FADS2: variants seen among roughly 807,000 people sequenced by gnomAD.
FADS2 encodes acyl-CoA 6-desaturase.
Under a neutral mutation model 61.2 loss-of-function variants are expected in FADS2, and 18 were observed. That is an observed-to-expected ratio of 0.29 (90% confidence interval 0.20 to 0.44). FADS2 has a LOEUF of 0.44. Ranked by LOEUF, FADS2 falls within the 20% of genes least tolerant of loss-of-function variation. FADS2 has a pLI of 1.00. For synonymous variants in FADS2, 203 were observed against 223.9 expected (o/e 0.91, Z 0.83); for missense variants, 322 against 572.7 (o/e 0.56, Z 4.47).
chr11:61,824,439 GGAGGGAGGGAGGGAGGGA>G (rs2067058225), upstream of FADS2, among the ~76,000 whole-genome samples: 1 of 5,094 alleles, frequency 2.0e-4, no homozygotes, highest in African/African-American at 6.3e-4. Flanking sequence ...AGAGAGGGAG[GGAGGGAGGGAGGGAGGGA>G]GGGAGAGAGA....
At position 61,816,412 on chromosome 11, in the gene FADS2, A is replaced by G; in HGVS notation, c.127A>G (p.Ile43Val). 6.3e-7 allele frequency: 1 copy of G among 1,598,520 alleles called. No homozygotes were observed. The highest frequency in any genetic ancestry group is 1.1e-5 in the South Asian group (1 of 91,074). ...TCATCCCGCATCCGCAGGACACCCA[A>G]TCACCGGGCAACAGGTATGATCAGG... is the stretch of plus-strand genomic sequence containing the variant. Residue 43 changes from isoleucine to valine, a missense_variant, in exon 1 of 12, where the codon ATC (isoleucine) becomes GTC (valine). Coordinates refer to the FADS2 transcript ENST00000257261. This position sits in a 1 kb window ranked among gnomAD's most constrained non-coding sequence, Gnocchi z 7.0.
intron 1 of FADS2, among the ~76,000 whole-genome samples, chr11:61,834,609 T>A (rs1178182190): frequency 6.6e-6 from 1 of 152,154 alleles, no homozygotes; most frequent in Non-Finnish European, 1.5e-5. Context: ...GTTCGGGTGT[T>A]GGGGAGGCAG....
In FADS2 at chr11:61,865,596, C is replaced by T. The variant is rs775273152; in HGVS notation, c.1284-42C>T. The T allele has an allele frequency of 2.9e-5, 46 of 1,594,814 alleles. No individual in the cohort carries two copies. Among genetic ancestry groups the T allele is most frequent in the Non-Finnish European group, 3.9e-5 (45 of 1,164,610 alleles). On this transcript the variant is annotated intron_variant, in intron 11 of 11. Coordinates refer to ENST00000278840, the MANE Select transcript of FADS2 (RefSeq NM_004265.4). The surrounding 1 kb of genome is among the most constrained non-coding windows in gnomAD (Gnocchi z 4.1). The stretch of plus-strand genomic sequence containing the variant: ...AGCCCTTGCACTCCCTGGGGCCACT[C>T]CCGTCCTGGTCCCTGACCCTGGTCC...
At chr11:61,857,670 C>G (rs1028490618) in intron 7 of FADS2, 140 bp downstream of exon 7, 53 of 692,150 alleles carry the variant, frequency 7.7e-5, no homozygotes, top group Admixed American at 1.1e-4. Flanking sequence ...GTAGCTGCCT[C>G]TCAGGAAAGG....
intron 1 of FADS2, among the ~76,000 whole-genome samples, chr11:61,831,500 T>C (rs1046115552): frequency 1.3e-5 from 2 of 152,142 alleles, no homozygotes; most frequent in Non-Finnish European, 2.9e-5. Context: ...GGGGCCTCAA[T>C]AGGGCATTTT....
chr11:61,836,259 G>A (rs1447651898), intron 1 of FADS2, among the ~76,000 whole-genome samples: 1 of 152,114 alleles, frequency 6.6e-6, no homozygotes, highest in Non-Finnish European at 1.5e-5. Context: ...CGCTACACCT[G>A]GCTAATTTTT....
chr11:61,847,482 G>A (rs1297229024), intron 4 of FADS2: 2 of 152,416 alleles, frequency 1.3e-5, no homozygotes, highest in African/African-American at 4.8e-5. Flanking sequence ...CATGTGATAT[G>A]TGGTCTTTTG....
At chr11:61,851,822 G>A (rs916925) in intron 5 of FADS2, among the ~76,000 whole-genome samples, 12,020 of 152,212 alleles carry the variant, frequency 0.079, 732 homozygotes, top group African/African-American at 0.15. Flanking sequence ...CCTTTTCCTC[G>A]TTTTCTGCAT....
Position 61,861,477 on chromosome 11 carries a change from A to G in FADS2, c.883-1495A>G, listed in dbSNP as rs144054941. 6.5e-3 allele frequency among the ~76,000 whole-genome samples: 992 copies of G among 151,772 alleles called. 23 individuals carry two copies. In the East Asian group the frequency reaches 0.067, roughly 10 times the overall value. On this transcript the variant is annotated intron_variant, in intron 7 of 11. Transcript: ENST00000278840. Reference sequence around the variant, plus strand: ...AGCCTGGGCAATAAAGCAAGATCCCATCTCCAAAAAAAAATAATCCGTAAC... The same window carrying G: ...AGCCTGGGCAATAAAGCAAGATCCCGTCTCCAAAAAAAAATAATCCGTAAC...
intron 1 of FADS2, among the ~76,000 whole-genome samples, chr11:61,833,501 C>T (rs762393308): frequency 1.3e-5 from 2 of 152,232 alleles, no homozygotes; most frequent in Admixed American, 6.5e-5. Flanking sequence ...GTATGAACAG[C>T]GGGCAATGCT....
chr11:61,835,033 C>T (rs2067160533), intron 1 of FADS2, among the ~76,000 whole-genome samples: 1 of 31,122 alleles, frequency 3.2e-5, no homozygotes, highest in African/African-American at 5.8e-5. Flanking sequence ...TCCTCCCTGC[C>T]TCCCCAGGGA....
At chr11:61,855,679 G>C (rs1487520643) in intron 5 of FADS2, 1 of 152,314 alleles carries the variant, frequency 6.6e-6, no homozygotes, top group Non-Finnish European at 1.5e-5. Flanking sequence ...CTTGGGGACA[G>C]GGTGGACCTG....
chr11:61,835,789 A>G (rs2067169121), intron 1 of FADS2, among the ~76,000 whole-genome samples: 1 of 152,178 alleles, frequency 6.6e-6, no homozygotes, highest in East Asian at 1.9e-4. Context: ...ACTAGTCTTA[A>G]CATTTTGCCA....
chr11:61,820,379 T>G (rs1267416924), intron 1 of FADS2, among the ~76,000 whole-genome samples: 1 of 152,074 alleles, frequency 6.6e-6, no homozygotes, highest in Admixed American at 6.5e-5. Flanking sequence ...TATAGGTCAG[T>G]AGGATAGATG....
Position 61,828,436 on chromosome 11 carries a change from G to A in FADS2, c.46G>A (p.Val16Met), listed in dbSNP as rs769992700. 8.8e-6 allele frequency: 14 copies of A among 1,591,844 alleles called. No individual in the cohort carries two copies. Among genetic ancestry groups the A allele is most frequent in the African/African-American group, 1.3e-5 (1 of 74,854 alleles). Residue 16 changes from valine (V) to methionine (M), a missense_variant, in exon 1 of 12, where the codon GTG becomes ATG. Physicochemically the swap from Val to Met is conservative, Grantham distance 21 (BLOSUM62 1). Coordinates refer to ENST00000278840, the MANE Select transcript of FADS2 (RefSeq NM_004265.4). The surrounding 1 kb of genome is among the most constrained non-coding windows in gnomAD (Gnocchi z 6.4). ...GGGCGAGGGGGCCGCCGAGCGCGAG[G>A]TGTCGGTGCCCACCTTCAGCTGGGA... ...NQGEGAAERE[V>M]SVPTFSWEEI...
intron 5 of FADS2, among the ~76,000 whole-genome samples, chr11:61,853,258 TTTCTCTCCCTCCCTCCC>T (rs1565334504): frequency 5.4e-5 from 6 of 111,482 alleles, no homozygotes; most frequent in African/African-American, 2.0e-4. Flanking sequence ...TCTCTCTTTC[TTTCTCTCCCTCCCTCCC>T]TTCCCTCCCT....
intron 1 of FADS2, among the ~76,000 whole-genome samples, chr11:61,822,668 C>G (rs1161433953): frequency 6.6e-6 from 1 of 152,138 alleles, no homozygotes; most frequent in African/African-American, 2.4e-5. Flanking sequence ...AAGCATTTTG[C>G]TGGGCCTTTA....
intron 1 of FADS2, among the ~76,000 whole-genome samples, chr11:61,834,542 G>A (rs2067154810): frequency 1.3e-5 from 2 of 152,192 alleles, no homozygotes; most frequent in Non-Finnish European, 2.9e-5. Flanking sequence ...AGCAACCAAG[G>A]TCAAGGCAGG....
chr11:61,857,240 G>A (rs1409520137), intron 6 of FADS2, among the ~76,000 whole-genome samples, 169 bp downstream of exon 6: 2 of 152,134 alleles, frequency 1.3e-5, no homozygotes, highest in Non-Finnish European at 2.9e-5. Flanking sequence ...CTGTGTTACA[G>A]GCCTGATGGG....
Sources: gnomAD v4.1 joint callset for allele counts (sites outside exome capture counted in the v4.1 genomes callset) on GRCh38, gnomAD v4.1.1 for gene constraint, Gnocchi (gnomAD v3.1) non-coding constraint, MANE v1.5 for transcripts, NCBI Gene and HGNC (gene_info 2026-07-23, HGNC 2026-07-21) for gene names.